Variants in EHBP1L1 observed in about 807,000 individuals in gnomAD.
EHBP1L1 encodes the protein EH domain binding protein 1 like 1, also known as EH domain-binding protein 1-like protein 1.
A neutral mutation model predicts 151.1 loss-of-function variants in EHBP1L1; 122 were observed. The observed-to-expected ratio is 0.81, with a 90% CI of 0.70 to 0.94. The LOEUF is 0.94. Among genes scored for constraint, EHBP1L1 ranks in the 40% least tolerant of loss-of-function variants. The pLI, the probability that EHBP1L1 is intolerant of heterozygous loss-of-function variation, is 0.00. For synonymous variants in EHBP1L1, 878 were observed against 810.1 expected, an observed-to-expected ratio of 1.08 and a Z score of -1.42; for missense variants, 1,941 against 1,959.8, an observed-to-expected ratio of 0.99 and a Z score of 0.18.
Position 65,583,736 on chromosome 11 carries a change from G to A in EHBP1L1, c.3064G>A (p.Glu1022Lys). The change falls in exon 9 of 19, where the codon GAA becomes AAA. Residue 1022 changes from glutamate to lysine, a missense_variant. By Grantham distance (56) the Glu-to-Lys change is moderately conservative (BLOSUM62 1). Coordinates refer to ENST00000309295, the MANE Select transcript of EHBP1L1 (RefSeq NM_001099409.3). ...APRASSPEKA[E>K]EDRRLPGSQA... ...CAGGGCCTCTTCCCCAGAGAAGGCT[G>A]AAGAGGACAGGAGGCTGCCGGGCAG... The A allele has an allele frequency of 6.5e-7, 1 of 1,529,408 alleles. No homozygotes were observed. Among genetic ancestry groups the A allele is most frequent in the South Asian group, 1.2e-5 (1 of 81,864 alleles). The allele number at this position is 1,529,408 out of a possible 1,614,324, so 94.7% of individuals were successfully genotyped here.
At chr11:65,591,896 G>A (rs1199928730) in intron 17 of EHBP1L1, 23 bp downstream of exon 17, 3 of 1,604,752 alleles carry the variant, frequency 1.9e-6, no homozygotes, top group East Asian at 4.5e-5. Context: ...CTCAGGGGCC[G>A]GGAGGCAAGA....
intron 12 of EHBP1L1, among the ~76,000 whole-genome samples, chr11:65,589,230 C>A (rs1449168000): frequency 6.6e-6 from 1 of 152,172 alleles, no homozygotes; most frequent in Non-Finnish European, 1.5e-5. Context: ...CATGGTGAAA[C>A]CCCGTCTCTA....
chr11:65,582,101 G>C lies in EHBP1L1; in HGVS notation c.1429G>C (p.Gly477Arg), dbSNP rs1460421344. ...CAGGACCAGGGATGAGGCTCCCTCA[G>C]GCCTGAGCCTGCCCCCAGCGGAGCC... The part of the protein sequence containing the change: ...GVRTRDEAPS[G>R]LSLPPAEPAG... Residue 477 changes from glycine to arginine, a missense_variant, in exon 9 of 19, where the codon GGC (glycine) becomes CGC (arginine). Physicochemically the swap from Gly to Arg is moderately radical, Grantham distance 125 (BLOSUM62 -2). Coordinates refer to ENST00000309295, the MANE Select transcript of EHBP1L1 (RefSeq NM_001099409.3). 1 of 1,605,964 alleles carries C rather than the reference G, an allele frequency of 6.2e-7. No individual in the cohort carries two copies. The highest frequency in any genetic ancestry group is 8.5e-7 in the Non-Finnish European group (1 of 1,176,018).
At position 65,578,642 on chromosome 11, in the gene EHBP1L1, C is replaced by T. The variant is rs556193608; in HGVS notation, c.105-436C>T. 7.2e-5 allele frequency among the ~76,000 whole-genome samples: 11 copies of T among 152,344 alleles called. No homozygotes were observed. The East Asian group carries it at 1.9e-3, about 27-fold the overall frequency. On this transcript the variant is annotated intron_variant, in intron 1 of 18. Transcript: ENST00000309295. Reference sequence around the variant, plus strand: ...CTGGGCTGGGTTTATGGTGGGCGCTCCACAAACATCTTTGTGCGAAGGGAC... The same window carrying T: ...CTGGGCTGGGTTTATGGTGGGCGCTTCACAAACATCTTTGTGCGAAGGGAC...
In EHBP1L1 at chr11:65,584,497, C is replaced by A; in HGVS notation, c.3263C>A (p.Ser1088Ter). The A allele has an allele frequency of 6.2e-7, 1 of 1,612,970 alleles. No individual in the cohort carries two copies. Among genetic ancestry groups the A allele is most frequent in the Non-Finnish European group, 8.5e-7 (1 of 1,179,680 alleles). ...RFYPDKIDYASLDPLNIKQNN... is the reference protein window; with the variant it reads ...RFYPDKIDYA ...CACACTCTCTGCAGTGACTATGCCT[C>A]GCTAGACCCACTCAACATCAAGCAG... The change falls in exon 11 of 19, where the codon TCG becomes TAG. Residue 1088 changes from serine (S) to a stop codon, truncating the protein, a stop_gained. Coordinates refer to ENST00000309295, the MANE Select transcript of EHBP1L1 (RefSeq NM_001099409.3). LOFTEE classifies it high-confidence loss of function.
At chr11:65,578,711 C>T (rs1290049574) in intron 1 of EHBP1L1, among the ~76,000 whole-genome samples, 3 of 152,230 alleles carry the variant, frequency 2.0e-5, no homozygotes, top group Admixed American at 6.5e-5. Flanking sequence ...TTGGAGTCTG[C>T]GTGTGTGCAC....
At chr11:65,577,956 C>A (rs1451881591) in intron 1 of EHBP1L1, among the ~76,000 whole-genome samples, 1 of 152,198 alleles carries the variant, frequency 6.6e-6, no homozygotes, top group Non-Finnish European at 1.5e-5. Flanking sequence ...CAGGCAAGGC[C>A]AGTTCGCGTG....
Position 65,581,834 on chromosome 11 carries a change from G to T in EHBP1L1, c.1162G>T (p.Glu388Ter). 1.2e-6 allele frequency: 2 copies of T among 1,613,692 alleles called. No individual in the cohort carries two copies. Among genetic ancestry groups the T allele is most frequent in the Non-Finnish European group, 1.7e-6 (2 of 1,179,806 alleles). ...AEEMDTEDRPEASGVDTEPRS... is the reference protein window; with the variant it reads ...AEEMDTEDRP ...AGAGATGGACACTGAGGACAGGCCAGAGGCCAGTGGGGTGGACACTGAGCC... is the reference window on the plus strand; with the variant it reads ...AGAGATGGACACTGAGGACAGGCCATAGGCCAGTGGGGTGGACACTGAGCC... The change falls in exon 9 of 19, where the codon GAG (glutamate) becomes TAG (stop). Residue 388 changes from glutamate to a stop codon, truncating the protein, a stop_gained. Transcript: ENST00000309295. LOFTEE classifies it high-confidence loss of function.
chr11:65,579,314 G>A (rs1167552241), intron 2 of EHBP1L1, 27 bp from the exon 3 acceptor site: 3 of 1,520,822 alleles, frequency 2.0e-6, no homozygotes, highest in African/African-American at 2.7e-5. Context: ...GTTAAGATGG[G>A]GGGAGGACTC....
chr11:65,592,333 C>G lies in EHBP1L1; in HGVS notation c.*31C>G, dbSNP rs1858378588. The G allele has an allele frequency of 7.3e-7, 1 of 1,373,994 alleles. No homozygotes were observed. Among genetic ancestry groups the G allele is most frequent in the East Asian group, 3.1e-5 (1 of 32,090 alleles). 85.1% of individuals were successfully genotyped at this position (1,373,994 alleles called of 1,614,324 possible). A position where few individuals can be genotyped will look rare whatever the true frequency, so the allele number is the denominator to read the frequency against. On this transcript the variant is annotated 3_prime_UTR_variant, in exon 19 of 19. Transcript: ENST00000309295. ...CCGGCCCGGGTGGCCCATAACTTCT[C>G]GCGTCCCCGGCGTCCGCCGCCGCCC...
chr11:65,577,380 G>T (rs1857382746), intron 1 of EHBP1L1, among the ~76,000 whole-genome samples: 1 of 152,246 alleles, frequency 6.6e-6, no homozygotes. Context: ...CACTGGGCCT[G>T]CTAGAGGGCC....
intron 11 of EHBP1L1, 103 bp downstream of exon 11, chr11:65,584,637 T>G (rs753079029): frequency 5.6e-6 from 8 of 1,419,326 alleles, no homozygotes; most frequent in Non-Finnish European, 7.8e-6. Context: ...AGCAGTGGCT[T>G]CTGGAAGTTC....
At chr11:65,583,824 C>A in intron 9 of EHBP1L1, 59 bp downstream of exon 9, 1 of 1,437,214 alleles carries the variant, frequency 7.0e-7, no homozygotes, top group Non-Finnish European at 9.1e-7. Flanking sequence ...TGGGGCTGAG[C>A]GAACGGCGGC....
intron 12 of EHBP1L1, among the ~76,000 whole-genome samples, chr11:65,586,747 G>C (rs1857984274): frequency 6.6e-6 from 1 of 152,250 alleles, no homozygotes; most frequent in Non-Finnish European, 1.5e-5. Flanking sequence ...ACCCACCTGT[G>C]GAAGATGTGA....
intron 1 of EHBP1L1, among the ~76,000 whole-genome samples, chr11:65,577,736 A>G (rs1186148247): frequency 6.6e-6 from 1 of 152,200 alleles, no homozygotes; most frequent in East Asian, 1.9e-4. Context: ...TTGCTCTGCC[A>G]TCGCTGGCAA....
rs992449265 is a variant in EHBP1L1 at position 65,585,542 on chromosome 11, C to T, written c.3884C>T (p.Ser1295Leu). Reference sequence around the variant, plus strand: ...CGCTCGCGGCTGCGGAACAGCAGCTCGTTCTCGATGGACGATCCGGACGCG... The same window carrying T: ...CGCTCGCGGCTGCGGAACAGCAGCTTGTTCTCGATGGACGATCCGGACGCG... The part of the protein sequence containing the change: ...KRRSRLRNSS[S>L]FSMDDPDAGA... The change falls in exon 12 of 19, where the codon TCG (serine) becomes TTG (leucine). Residue 1295 changes from serine (S) to leucine (L), a missense_variant. Transcript: ENST00000309295. The surrounding 1 kb of genome is among the most constrained non-coding windows in gnomAD (Gnocchi z 4.0). 6.3e-7 allele frequency: 1 copy of T among 1,578,980 alleles called. No homozygotes were observed. Among genetic ancestry groups the T allele is most frequent in the South Asian group, 1.1e-5 (1 of 87,764 alleles).
chr11:65,579,696 G>C (rs946800679), intron 3 of EHBP1L1, among the ~76,000 whole-genome samples: 1 of 151,842 alleles, frequency 6.6e-6, no homozygotes, highest in Non-Finnish European at 1.5e-5. Context: ...CAACCACCGC[G>C]TGCACCTGTA....
chr11:65,591,766 A>ACCT, intron 16 of EHBP1L1, 34 bp from the exon 17 acceptor site: 1 of 806,796 alleles, frequency 1.2e-6, no homozygotes, highest in Non-Finnish European at 2.1e-6. Context: ...CTGAACTGCC[A>ACCT]CCCCCCCGCC....
At chr11:65,576,596 G>A (rs1340892464) in intron 1 of EHBP1L1, among the ~76,000 whole-genome samples, 190 bp downstream of exon 1, 2 of 152,216 alleles carry the variant, frequency 1.3e-5, no homozygotes, top group Non-Finnish European at 2.9e-5. Flanking sequence ...CCTGGAGTTG[G>A]GGGCGTGGGC....
Sources: gnomAD v4.1 joint callset for allele counts (sites outside exome capture counted in the v4.1 genomes callset) on GRCh38, gnomAD v4.1.1 for gene constraint, Gnocchi (gnomAD v3.1) non-coding constraint, MANE v1.5 for transcripts, NCBI Gene and HGNC (gene_info 2026-07-23, HGNC 2026-07-21) for gene names.